Variants in PDE7B observed in about 807,000 individuals in gnomAD.
PDE7B encodes the protein 3',5'-cyclic-AMP phosphodiesterase 7B.
In PDE7B, 29 loss-of-function variants were observed where a neutral mutation model predicts 56.2. That is an observed-to-expected ratio of 0.52 (90% CI 0.38 to 0.70). PDE7B has a LOEUF of 0.70. PDE7B is among the 30% of genes least tolerant of loss of function. The pLI, the probability that PDE7B is intolerant of heterozygous loss-of-function variation, is 0.00. For synonymous variants in PDE7B, 197 were observed against 196.9 expected (o/e 1.00, Z 0.00); for missense variants, 490 against 565.0 (o/e 0.87, Z 1.35).
intron 2 of PDE7B, among the ~76,000 whole-genome samples, chr6:135,994,829 C>T (rs1375364383): frequency 6.6e-6 from 1 of 152,116 alleles, no homozygotes; most frequent in Non-Finnish European, 1.5e-5. Flanking sequence ...TGTACTAAAG[C>T]TCTCATTTTA....
intron 2 of PDE7B, among the ~76,000 whole-genome samples, chr6:136,009,133 T>G (rs1775842117): frequency 6.6e-6 from 1 of 152,136 alleles, no homozygotes; most frequent in South Asian, 2.1e-4. Flanking sequence ...TTGTCAAAGA[T>G]CAGATGGTTG....
intron 2 of PDE7B, chr6:136,038,569 C>G: frequency 1.6e-6 from 2 of 1,231,060 alleles, no homozygotes; most frequent in Non-Finnish European, 2.1e-6. Flanking sequence ...AGGACCAAGT[C>G]TGATAACTAA....
chr6:136,133,329 ATCTAGGCC>A (rs1778151674), intron 3 of PDE7B, among the ~76,000 whole-genome samples: 1 of 151,894 alleles, frequency 6.6e-6, no homozygotes, highest in African/African-American at 2.4e-5. Context: ...CAAAGTTTCT[ATCTAGGCC>A]TCTACCAATG....
At chr6:135,871,354 C>A (rs1775376163) in intron 1 of PDE7B, among the ~76,000 whole-genome samples, 1 of 152,194 alleles carries the variant, frequency 6.6e-6, no homozygotes, top group South Asian at 2.1e-4. Context: ...GTGTAACCCA[C>A]AAGGACGTGA....
At chr6:136,016,733 C>T (rs1775984740) in intron 2 of PDE7B, among the ~76,000 whole-genome samples, 1 of 151,366 alleles carries the variant, frequency 6.6e-6, no homozygotes, top group South Asian at 2.1e-4. Flanking sequence ...CCACCTGCAA[C>T]AGAACTGGAA....
chr6:135,903,474 C>A (rs2128192239), intron 1 of PDE7B, among the ~76,000 whole-genome samples: 1 of 152,232 alleles, frequency 6.6e-6, no homozygotes, highest in Non-Finnish European at 1.5e-5. Flanking sequence ...GAATGAGGGG[C>A]ACACAAAGTT....
intron 3 of PDE7B, among the ~76,000 whole-genome samples, chr6:136,121,359 T>G (rs1425496965): frequency 2.0e-5 from 3 of 152,224 alleles, no homozygotes; most frequent in African/African-American, 7.2e-5. Context: ...AGGAAAAGAA[T>G]TCCCCATCTC....
At chr6:135,959,767 TA>T (rs34520299) in intron 2 of PDE7B, among the ~76,000 whole-genome samples, 53,391 of 149,290 alleles carry the variant, frequency 0.36, 9,879 homozygotes, top group Admixed American at 0.52. Context: ...AGTCTTTTCT[TA>T]AAAAAAAAAA....
At chr6:136,144,783 A>C (rs1583906422) in intron 3 of PDE7B, among the ~76,000 whole-genome samples, 1 of 152,052 alleles carries the variant, frequency 6.6e-6, no homozygotes, top group African/African-American at 2.4e-5. Context: ...ATTTTTTCTA[A>C]TGTTTCCTCT....
intron 1 of PDE7B, among the ~76,000 whole-genome samples, chr6:135,866,004 C>T (rs964467119): frequency 6.6e-6 from 1 of 152,040 alleles, no homozygotes; most frequent in African/African-American, 2.4e-5. Context: ...ATTTTTATTA[C>T]TTTGCTGTAT....
chr6:136,170,239 G>A (rs550250777), intron 8 of PDE7B, among the ~76,000 whole-genome samples: 44 of 152,030 alleles, frequency 2.9e-4, no homozygotes, highest in African/African-American at 8.5e-4. Flanking sequence ...ACTCCATTTC[G>A]TCACCAAATT....
At chr6:135,903,765 T>C (rs1776047532) in intron 1 of PDE7B, among the ~76,000 whole-genome samples, 1 of 152,212 alleles carries the variant, frequency 6.6e-6, no homozygotes, top group Non-Finnish European at 1.5e-5. Flanking sequence ...TACAAAATCT[T>C]GTATTTTTAG....
intron 2 of PDE7B, among the ~76,000 whole-genome samples, chr6:135,950,067 C>A (rs778596832): frequency 3.0e-4 from 46 of 152,048 alleles, no homozygotes; most frequent in Admixed American, 1.1e-3. Context: ...ATCAACCCCA[C>A]CATTAACATG....
At chr6:135,946,618 C>T (rs1195325362) in intron 1 of PDE7B, among the ~76,000 whole-genome samples, 1 of 152,064 alleles carries the variant, frequency 6.6e-6, no homozygotes, top group Non-Finnish European at 1.5e-5. Context: ...AAATAAACCT[C>T]ATTTTATCTT....
intron 6 of PDE7B, among the ~76,000 whole-genome samples, chr6:136,153,870 C>T (rs1282752443): frequency 3.9e-5 from 6 of 152,108 alleles, no homozygotes; most frequent in African/African-American, 1.4e-4. Context: ...GCCTTTCTCC[C>T]CTCTGCTGTC....
At chr6:135,859,731 G>A (rs926939428) in intron 1 of PDE7B, among the ~76,000 whole-genome samples, 4 of 151,806 alleles carry the variant, frequency 2.6e-5, no homozygotes, top group African/African-American at 4.8e-5. Flanking sequence ...AGCTTTGTAT[G>A]TAGTAGTAAT....
At chr6:136,048,254 T>C (rs1270859516) in intron 2 of PDE7B, among the ~76,000 whole-genome samples, 1 of 152,134 alleles carries the variant, frequency 6.6e-6, no homozygotes, top group Non-Finnish European at 1.5e-5. Flanking sequence ...CTGGGCGCGG[T>C]GGCTCACGGC....
intron 2 of PDE7B, among the ~76,000 whole-genome samples, chr6:135,976,030 A>C (rs1583806490): frequency 6.6e-6 from 1 of 152,244 alleles, no homozygotes; most frequent in East Asian, 1.9e-4. Context: ...GGAACCCAGA[A>C]ATGGTGGCGT....
intron 1 of PDE7B, among the ~76,000 whole-genome samples, chr6:135,946,320 A>G (rs1039371193): frequency 6.6e-6 from 1 of 151,634 alleles, no homozygotes; most frequent in African/African-American, 2.4e-5. Context: ...GCTCTAATTC[A>G]TTTTAACTGT....
Sources: allele counts gnomAD v4.1 joint callset (sites outside exome capture counted in the v4.1 genomes callset), GRCh38; gene constraint gnomAD v4.1.1; transcripts MANE v1.5; gene names NCBI Gene and HGNC (gene_info 2026-07-23, HGNC 2026-07-21).